The following ME2 variants were observed in gnomAD, a reference collection of about 807,000 sequenced individuals.
The protein encoded by ME2 is NAD-dependent malic enzyme, mitochondrial.
Under a neutral mutation model 73.7 loss-of-function variants are expected in ME2, and 60 were observed. That is an observed-to-expected ratio of 0.81 (90% CI 0.66 to 1.01). The LOEUF (loss-of-function observed/expected upper bound fraction) is 1.01, where lower values mean the gene tolerates loss of function less well. Ranked by LOEUF, ME2 falls within the 50% of genes least tolerant of loss-of-function variation. The probability of loss-of-function intolerance (pLI) is 0.00; values close to 1 mark genes in which losing one functional copy is unlikely to be tolerated. For synonymous variants in ME2, 199 were observed against 236.9 expected (o/e 0.84, Z 1.47); for missense variants, 594 against 705.5 (o/e 0.84, Z 1.79).
chr18:50,940,234 G>A (rs1917914641), intron 14 of ME2, 54 bp from the exon 15 acceptor site: 3 of 1,158,102 alleles, frequency 2.6e-6, no homozygotes, highest in Non-Finnish European at 3.8e-6. Flanking sequence ...CATTTACTGG[G>A]TCCTTATTCT....
intron 3 of ME2, among the ~76,000 whole-genome samples, chr18:50,911,419 C>T (rs548002299): frequency 1.1e-4 from 17 of 152,280 alleles, no homozygotes; most frequent in African/African-American, 4.1e-4. Context: ...GTTCCTGGAA[C>T]TATAGAAGTA....
rs1918144394 is a variant in ME2, at chr18:50,948,549, T to TG, written c.*1365_*1366insG. ...ATGAATACAAATTGATTCTTTTTTTTTTTTTTTTTTTTTGAGACAGAGTCT... is the reference window on the plus strand; with the variant it reads ...ATGAATACAAATTGATTCTTTTTTTTGTTTTTTTTTTTTTGAGACAGAGTCT... On this transcript the variant is annotated 3_prime_UTR_variant, in exon 16 of 16. Coordinates refer to ENST00000321341, the MANE Select transcript of ME2 (RefSeq NM_002396.5). 1 of 146,106 alleles carries TG rather than the reference T, an allele frequency of 6.8e-6. No individual in the cohort carries two copies. Among genetic ancestry groups the TG allele is most frequent in the Non-Finnish European group, 1.5e-5 (1 of 66,296 alleles). 9.1% of individuals were successfully genotyped at this position (146,106 alleles called of 1,614,324 possible). A position where few individuals can be genotyped will look rare whatever the true frequency, so the allele number is the denominator to read the frequency against.
At chr18:50,904,867 A>T (rs1280982039) in intron 2 of ME2, among the ~76,000 whole-genome samples, 1 of 151,724 alleles carries the variant, frequency 6.6e-6, no homozygotes, top group South Asian at 2.1e-4. Flanking sequence ...AATGTTTCTC[A>T]TATTTGGGAA....
At chr18:50,921,237 T>C (rs752220387) in intron 10 of ME2, 50 bp downstream of exon 10, 6 of 962,420 alleles carry the variant, frequency 6.2e-6, no homozygotes, top group South Asian at 1.7e-5. Context: ...ATATTTTTAG[T>C]TGGATTTTTA....
rs61452352 is a variant in ME2, at chr18:50,900,727, GT to G, written c.108+4802del. Among the ~76,000 whole-genome samples, 607 of 152,188 alleles carry G rather than the reference GT, an allele frequency of 4.0e-3. 10 individuals carry two copies. In the East Asian group the frequency reaches 0.064, roughly 16 times the overall value. ...TGGAGGTAACTGAATCGTGGGGGTGGTTTCCCCCATGCTGTTCTTGTGATAG... is the reference window on the plus strand; with the variant it reads ...TGGAGGTAACTGAATCGTGGGGGTGGTTCCCCCATGCTGTTCTTGTGATAG... On this transcript the variant is annotated intron_variant, in intron 2 of 15. Coordinates refer to ENST00000321341, the MANE Select transcript of ME2 (RefSeq NM_002396.5).
At chr18:50,903,924 A>G (rs2144210380) in intron 2 of ME2, among the ~76,000 whole-genome samples, 1 of 152,314 alleles carries the variant, frequency 6.6e-6, no homozygotes, top group East Asian at 1.9e-4. Flanking sequence ...ACACATGTTT[A>G]TTATTGTCTA....
Position 50,912,883 on chromosome 18 carries a change from C to T in ME2, c.325C>T (p.Pro109Ser). 1 of 1,610,576 alleles carries T rather than the reference C, an allele frequency of 6.2e-7. No individual in the cohort carries two copies. ...ILQDDIESLM[P>S]IVYTPTVGLA... is the part of the protein sequence containing the mutation. ...GCAAGATGACATTGAGAGTTTAATG[C>T]CAATTGTATATACACCGACGGTTGG... is the stretch of plus-strand genomic sequence containing the variant. Residue 109 changes from proline to serine, a missense_variant, in exon 4 of 16, where the codon CCA becomes TCA. Transcript: ENST00000321341.
intron 1 of ME2, among the ~76,000 whole-genome samples, chr18:50,893,949 T>G (rs1916670457): frequency 1.3e-5 from 2 of 152,240 alleles, no homozygotes; most frequent in South Asian, 4.1e-4. Context: ...GACATTCTTT[T>G]CATTTATGTC....
chr18:50,947,248 T>TA lies in ME2; in HGVS notation c.*66dup. The TA allele has an allele frequency of 1.3e-6, 2 of 1,500,758 alleles. No individual in the cohort carries two copies. The highest frequency in any genetic ancestry group is 2.4e-5 in the South Asian group (2 of 83,118). 93.0% of individuals were successfully genotyped at this position (1,500,758 alleles called of 1,614,324 possible). On this transcript the variant is annotated 3_prime_UTR_variant, in exon 16 of 16. Transcript: ENST00000321341. ...ACCCCTTTTTTCAGACAAGAAGAGA[T>TA]AATGTCTTCAGTTTTATGGTGTTTT...
intron 3 of ME2, among the ~76,000 whole-genome samples, chr18:50,911,583 G>GCA (rs1917156971): frequency 1.3e-5 from 2 of 152,054 alleles, no homozygotes; most frequent in African/African-American, 2.4e-5. Flanking sequence ...ATAGGGGAGG[G>GCA]GAGTGGACAG....
intron 3 of ME2, among the ~76,000 whole-genome samples, chr18:50,910,903 A>G (rs1438993471): frequency 2.6e-5 from 4 of 152,208 alleles, no homozygotes; most frequent in Admixed American, 2.6e-4. Flanking sequence ...AGCCCATAGA[A>G]TTGGAAGAAA....
intron 1 of ME2, among the ~76,000 whole-genome samples, chr18:50,889,779 G>C (rs941523992): frequency 5.3e-5 from 8 of 152,260 alleles, no homozygotes; most frequent in African/African-American, 1.7e-4. Flanking sequence ...TGGGATTCTA[G>C]GAAATGGTTA....
At chr18:50,890,604 G>A (rs1043602538) in intron 1 of ME2, among the ~76,000 whole-genome samples, 2 of 151,798 alleles carry the variant, frequency 1.3e-5, no homozygotes, top group Admixed American at 1.3e-4. Context: ...CCTTCATTAT[G>A]AAACCTTTAA....
At chr18:50,910,536 G>A (rs1917130883) in intron 3 of ME2, among the ~76,000 whole-genome samples, 2 of 152,098 alleles carry the variant, frequency 1.3e-5, no homozygotes, top group Admixed American at 6.6e-5. Context: ...GTTTGTATTG[G>A]TGCCATTCTG....
chr18:50,897,580 G>A (rs1363106749), intron 2 of ME2, among the ~76,000 whole-genome samples: 1 of 151,544 alleles, frequency 6.6e-6, no homozygotes, highest in Non-Finnish European at 1.5e-5. Context: ...ACAAAATTAG[G>A]CCGGACATGG....
chr18:50,912,986 A>G (rs1917194237), intron 4 of ME2, 36 bp downstream of exon 4: 1 of 1,526,834 alleles, frequency 6.5e-7, no homozygotes, highest in African/African-American at 1.4e-5. Flanking sequence ...GTAAATGATT[A>G]TTGAATAAGG....
At chr18:50,895,685 G>T in intron 1 of ME2, 124 bp from the exon 2 acceptor site, 1 of 638,622 alleles carries the variant, frequency 1.6e-6, no homozygotes. Context: ...TTCGCCTCTT[G>T]TTACCTTTTT....
chr18:50,948,103 T>G lies in ME2; in HGVS notation c.*919T>G, dbSNP rs1918131815. ...AGAAACTATGCCCTTATTCCAGAAC[T>G]GATGCTCTTTATTGCTTGAGATAAT... On this transcript the variant is annotated 3_prime_UTR_variant, in exon 16 of 16. Transcript: ENST00000321341. 6.6e-6 allele frequency: 1 copy of G among 152,220 alleles called. No homozygotes were observed. Among genetic ancestry groups the G allele is most frequent in the Non-Finnish European group, 1.5e-5 (1 of 68,032 alleles). 9.4% of individuals were successfully genotyped at this position (152,220 alleles called of 1,614,324 possible).
At chr18:50,938,907 A>G (rs1217555235) in intron 13 of ME2, among the ~76,000 whole-genome samples, 1 of 152,200 alleles carries the variant, frequency 6.6e-6, no homozygotes, top group African/African-American at 2.4e-5. Flanking sequence ...AGTAAAGGAA[A>G]AAGGACAATT....
Sources: allele counts gnomAD v4.1 joint callset (sites outside exome capture counted in the v4.1 genomes callset), GRCh38; gene constraint gnomAD v4.1.1; transcripts MANE v1.5; gene names NCBI Gene and HGNC (gene_info 2026-07-23, HGNC 2026-07-21).